Variants in CERT1 observed in about 807,000 individuals in gnomAD.
CERT1 encodes ceramide transfer protein.
Under a neutral mutation model 87.9 loss-of-function variants are expected in CERT1, and 31 were observed. That is an observed-to-expected ratio of 0.35 (90% CI 0.27 to 0.48). The LOEUF (loss-of-function observed/expected upper bound fraction) is 0.48. CERT1 is among the 20% of genes least tolerant of loss of function. CERT1 has a pLI of 0.99. For missense variants in CERT1, 487 were observed against 758.0 expected (o/e 0.64, Z 4.20); for synonymous variants, 289 against 250.9 (o/e 1.15, Z -1.44).
In CERT1 at chr5:75,382,045, T is replaced by C. The variant is rs115687524; in HGVS notation, c.1521A>G (p.Leu507=). The C allele has an allele frequency of 2.6e-4, 426 of 1,613,850 alleles. No homozygotes were observed. The highest frequency in any genetic ancestry group is 3.3e-4 in the Non-Finnish European group (391 of 1,179,834). Residue 507 remains leucine (L), a synonymous_variant, in exon 15 of 17, where the codon TTA becomes TTG. Transcript: ENST00000643780. ...RVWPASQRDV[L]YLSVIRKIPA... ...GTATCTTTCGAATGACAGAAAGATA[T>C]AATACGTCTCGCTGAGAAGCAGGCC...
chr5:75,488,772 C>T (rs535912218), intron 2 of CERT1, among the ~76,000 whole-genome samples: 1 of 152,144 alleles, frequency 6.6e-6, no homozygotes, highest in Admixed American at 6.5e-5. Flanking sequence ...TTTGATCTAA[C>T]AGTTTTACTG....
intron 5 of CERT1, among the ~76,000 whole-genome samples, chr5:75,422,893 G>A (rs979052057): frequency 2.6e-5 from 4 of 152,184 alleles, no homozygotes; most frequent in African/African-American, 9.7e-5. Flanking sequence ...ATGATGATGT[G>A]AAGATATAGG....
At chr5:75,439,192 A>T (rs1409527275) in intron 3 of CERT1, among the ~76,000 whole-genome samples, 1 of 151,996 alleles carries the variant, frequency 6.6e-6, no homozygotes, top group Non-Finnish European at 1.5e-5. Flanking sequence ...AGAAATGTCT[A>T]AAAACTGAAT....
chr5:75,380,459 G>A (rs999706058), intron 16 of CERT1, among the ~76,000 whole-genome samples: 2 of 152,026 alleles, frequency 1.3e-5, no homozygotes, highest in Admixed American at 6.6e-5. Flanking sequence ...TAATAAATCT[G>A]TTCTATGAGG....
chr5:75,422,687 A>G (rs1414347745), intron 5 of CERT1, among the ~76,000 whole-genome samples: 3 of 152,218 alleles, frequency 2.0e-5, no homozygotes, highest in Non-Finnish European at 4.4e-5. Flanking sequence ...ATCAGTTGTT[A>G]TGGGCTGAAT....
chr5:75,369,930 A>G (rs1248081450), intron 17 of CERT1: 1 of 152,260 alleles, frequency 6.6e-6, no homozygotes, highest in Non-Finnish European at 1.5e-5. Flanking sequence ...TATAAATGAT[A>G]GTATGAACTC....
At chr5:75,465,035 G>A (rs140573692) in intron 2 of CERT1, among the ~76,000 whole-genome samples, 19 of 152,272 alleles carry the variant, frequency 1.2e-4, no homozygotes, top group Admixed American at 6.5e-4. Flanking sequence ...CTGCCATGAC[G>A]GACATGGTTC....
At chr5:75,400,743 A>G (rs906549018) in intron 9 of CERT1, 2 of 153,658 alleles carry the variant, frequency 1.3e-5, no homozygotes, top group African/African-American at 4.8e-5. Flanking sequence ...TTATGTTCCT[A>G]AGAACATATC....
intron 2 of CERT1, among the ~76,000 whole-genome samples, chr5:75,482,582 C>T (rs929945141): frequency 2.0e-5 from 3 of 152,174 alleles, no homozygotes; most frequent in African/African-American, 7.2e-5. Context: ...GGGCAAGACC[C>T]AGTGCTGTGG....
chr5:75,405,651 C>G (rs1416960028), intron 8 of CERT1, among the ~76,000 whole-genome samples: 1 of 152,086 alleles, frequency 6.6e-6, no homozygotes, highest in Non-Finnish European at 1.5e-5. Context: ...TCTCCCCCAT[C>G]TGTGGTTTTG....
At chr5:75,476,523 G>C (rs576979956) in intron 2 of CERT1, among the ~76,000 whole-genome samples, 1 of 152,020 alleles carries the variant, frequency 6.6e-6, no homozygotes, top group Non-Finnish European at 1.5e-5. Flanking sequence ...TATATTCATT[G>C]TTTAGCTGTT....
At chr5:75,504,728 T>A (rs1181416191) in intron 2 of CERT1, among the ~76,000 whole-genome samples, 2 of 151,960 alleles carry the variant, frequency 1.3e-5, no homozygotes, top group Non-Finnish European at 2.9e-5. Flanking sequence ...GACCTCTATT[T>A]AACTGTCTGG....
intron 11 of CERT1, among the ~76,000 whole-genome samples, chr5:75,395,555 CAAAAAAAAA>C (rs35109034): frequency 8.3e-5 from 4 of 48,012 alleles, no homozygotes; most frequent in Admixed American, 2.6e-4. Flanking sequence ...TGTCTCTTTA[CAAAAAAAAA>C]AAAAAAAAAA....
intron 2 of CERT1, among the ~76,000 whole-genome samples, chr5:75,462,949 G>A (rs536968886): frequency 8.2e-4 from 112 of 137,142 alleles, no homozygotes; most frequent in Admixed American, 1.3e-3. Context: ...CCAAGATGGC[G>A]CTACTGTACT....
intron 3 of CERT1, among the ~76,000 whole-genome samples, chr5:75,444,084 T>C (rs112667238): frequency 3.7e-4 from 57 of 152,274 alleles, no homozygotes; most frequent in African/African-American, 8.9e-4. Flanking sequence ...TTTTTGTTTG[T>C]TTTTGCTGTC....
At chr5:75,415,855 T>TGG (rs756814342) in intron 7 of CERT1, among the ~76,000 whole-genome samples, 24 of 152,102 alleles carry the variant, frequency 1.6e-4, no homozygotes, top group Non-Finnish European at 1.5e-4. Flanking sequence ...AATAATAGTT[T>TGG]GGCTCCAGAA....
chr5:75,391,069 G>A (rs998184616), intron 11 of CERT1, among the ~76,000 whole-genome samples: 2 of 152,052 alleles, frequency 1.3e-5, no homozygotes, highest in Non-Finnish European at 2.9e-5. Context: ...GGGCTCAAGG[G>A]ATCCTCCTGC....
chr5:75,471,480 G>C (rs1013880408), intron 2 of CERT1, among the ~76,000 whole-genome samples: 4 of 152,098 alleles, frequency 2.6e-5, no homozygotes, highest in Non-Finnish European at 5.9e-5. Context: ...TGGTATGCTG[G>C]GCAGACGTGG....
At chr5:75,467,650 G>GAAAAAAAAAA (rs58587061) in intron 2 of CERT1, among the ~76,000 whole-genome samples, 1 of 132,984 alleles carries the variant, frequency 7.5e-6, no homozygotes. Context: ...CCAAAAAAAA[G>GAAAAAAAAAA]AAAAAAAAAA....
Sources: allele counts gnomAD v4.1 joint callset (sites outside exome capture counted in the v4.1 genomes callset), GRCh38; gene constraint gnomAD v4.1.1; transcripts MANE v1.5; gene names NCBI Gene and HGNC (gene_info 2026-07-23, HGNC 2026-07-21).